The following UBE2D2 variants were observed in gnomAD, a reference collection of about 807,000 sequenced individuals.
UBE2D2 encodes the protein ubiquitin conjugating enzyme E2 D2.
In UBE2D2, 2 loss-of-function variants were observed where a neutral mutation model predicts 24.2. The observed-to-expected ratio is 0.08, with a 90% CI of 0.03 to 0.26. The LOEUF is 0.26. Ranked by LOEUF, UBE2D2 falls within the 10% of genes least tolerant of loss-of-function variation. The pLI, the probability that UBE2D2 is intolerant of heterozygous loss-of-function variation, is 1.00. For missense variants in UBE2D2, 44 were observed against 177.6 expected, an observed-to-expected ratio of 0.25 and a Z score of 4.28; for synonymous variants, 58 against 56.5, an observed-to-expected ratio of 1.03 and a Z score of -0.12.
At chr5:139,601,089 C>T (rs901773359) in intron 2 of UBE2D2, among the ~76,000 whole-genome samples, 2 of 152,196 alleles carry the variant, frequency 1.3e-5, no homozygotes, top group Non-Finnish European at 2.9e-5. Context: ...AGGCATGAAC[C>T]ACCACACCTG....
intron 1 of UBE2D2, among the ~76,000 whole-genome samples, chr5:139,544,838 G>T (rs929059349): frequency 6.6e-6 from 1 of 151,112 alleles, no homozygotes; most frequent in Non-Finnish European, 1.5e-5. Context: ...GTGCAGTGGC[G>T]CGATCTCGGC....
intron 2 of UBE2D2, among the ~76,000 whole-genome samples, chr5:139,609,041 C>T (rs1443471842): frequency 4.0e-5 from 6 of 151,464 alleles, no homozygotes; most frequent in East Asian, 2.0e-4. Context: ...GAGCAAAGAT[C>T]GCACCACTGC....
At chr5:139,581,895 C>T (rs1753611702) in intron 1 of UBE2D2, among the ~76,000 whole-genome samples, 1 of 152,120 alleles carries the variant, frequency 6.6e-6, no homozygotes. Context: ...TTTCAAACTC[C>T]TGACCTTGTG....
chr5:139,564,928 T>C lies in UBE2D2; in HGVS notation c.24+3113T>C, dbSNP rs192531928. Among the ~76,000 whole-genome samples the C allele has an allele frequency of 6.7e-3, 1,016 of 152,312 alleles. 8 individuals are homozygous for C. The highest frequency in any genetic ancestry group is 0.024 in the African/African-American group (978 of 41,576). On this transcript the variant is annotated intron_variant, in intron 1 of 6. Coordinates refer to ENST00000398733, the MANE Select transcript of UBE2D2 (RefSeq NM_003339.3). ...ACAAAATGGAGATTAATTTTTTTTT[T>C]CCAAACTCTTTGTACCACAATTTTA...
chr5:139,602,812 C>CT (rs1170859423), intron 2 of UBE2D2, among the ~76,000 whole-genome samples: 3 of 152,168 alleles, frequency 2.0e-5, no homozygotes, highest in Non-Finnish European at 4.4e-5. Flanking sequence ...AATTATGAGT[C>CT]TAAGTACATG....
At chr5:139,602,763 C>A (rs565693844) in intron 2 of UBE2D2, among the ~76,000 whole-genome samples, 1 of 152,070 alleles carries the variant, frequency 6.6e-6, no homozygotes, top group Non-Finnish European at 1.5e-5. Flanking sequence ...AAGCAAGGCC[C>A]TTTCACAAGG....
intron 1 of UBE2D2, among the ~76,000 whole-genome samples, chr5:139,574,151 G>A (rs1753416070): frequency 6.7e-6 from 1 of 149,224 alleles, no homozygotes; most frequent in South Asian, 2.1e-4. Context: ...CGTGGTGGTG[G>A]GGGCCTGTAA....
chr5:139,576,754 C>T lies in UBE2D2; in HGVS notation c.24+14939C>T, dbSNP rs11739735. Among the ~76,000 whole-genome samples the T allele has an allele frequency of 7.6e-3, 1,163 of 152,120 alleles. 12 individuals are homozygous for T. Among genetic ancestry groups the T allele is most frequent in the Non-Finnish European group, 0.012 (790 of 68,012 alleles). Reference sequence around the variant, plus strand: ...ATTGTCAACAAAGGTGCTCCCATCTCTAAGCTTACATAAAATGTAATTTTA... The same window carrying T: ...ATTGTCAACAAAGGTGCTCCCATCTTTAAGCTTACATAAAATGTAATTTTA... On this transcript the variant is annotated intron_variant, in intron 1 of 6. Transcript: ENST00000398733.
intron 1 of UBE2D2, among the ~76,000 whole-genome samples, chr5:139,593,392 A>C (rs889457904): frequency 6.6e-6 from 1 of 152,196 alleles, no homozygotes; most frequent in Non-Finnish European, 1.5e-5. Context: ...CCCTTGGGTT[A>C]GATACTTTGT....
At chr5:139,586,744 G>A (rs953712844) in intron 1 of UBE2D2, among the ~76,000 whole-genome samples, 7 of 151,866 alleles carry the variant, frequency 4.6e-5, no homozygotes, top group Admixed American at 3.9e-4. Flanking sequence ...CAGCCTGGGC[G>A]ACAGAGCGAG....
intron 1 of UBE2D2, among the ~76,000 whole-genome samples, chr5:139,590,718 G>A (rs1036334531): frequency 3.4e-5 from 5 of 146,878 alleles, no homozygotes; most frequent in African/African-American, 9.9e-5. Flanking sequence ...TCCTAAGATA[G>A]TATGGCGATG....
intron 1 of UBE2D2, among the ~76,000 whole-genome samples, chr5:139,556,094 G>A (rs1374916154): frequency 6.6e-6 from 1 of 151,842 alleles, no homozygotes; most frequent in Admixed American, 6.6e-5. Context: ...AAATCATCTG[G>A]GCATGGTGGC....
Position 139,596,811 on chromosome 5 carries a change from C to T in UBE2D2, c.25-3561C>T, listed in dbSNP as rs28829083. Among the ~76,000 whole-genome samples the T allele has an allele frequency of 3.1e-3, 478 of 152,020 alleles. 1 individual carries two copies. The highest frequency in any genetic ancestry group is 0.011 in the African/African-American group (456 of 41,498). ...CCTGTAATCCCAGCACTTTGGGAGGCCGAGGTGGGCAGATCACGAGGTCAG... is the reference window on the plus strand; with the variant it reads ...CCTGTAATCCCAGCACTTTGGGAGGTCGAGGTGGGCAGATCACGAGGTCAG... On this transcript the variant is annotated intron_variant, in intron 1 of 6. Coordinates refer to ENST00000398733, the MANE Select transcript of UBE2D2 (RefSeq NM_003339.3).
chr5:139,603,773 C>T (rs1175483633), intron 2 of UBE2D2, among the ~76,000 whole-genome samples: 2 of 151,724 alleles, frequency 1.3e-5, no homozygotes, highest in Non-Finnish European at 2.9e-5. Flanking sequence ...GGTGAAACCC[C>T]GTCTACTAAA....
At chr5:139,576,567 C>T (rs1479102347) in intron 1 of UBE2D2, among the ~76,000 whole-genome samples, 2 of 151,938 alleles carry the variant, frequency 1.3e-5, no homozygotes, top group East Asian at 1.9e-4. Flanking sequence ...TGGGGTTTCA[C>T]GTTGTTAGCC....
At chr5:139,578,462 G>C (rs1054024101) in intron 1 of UBE2D2, among the ~76,000 whole-genome samples, 2 of 151,760 alleles carry the variant, frequency 1.3e-5, no homozygotes, top group African/African-American at 4.8e-5. Flanking sequence ...GTGTGTGTGT[G>C]TGTGTGTTTT....
intron 1 of UBE2D2, among the ~76,000 whole-genome samples, chr5:139,568,456 G>A (rs565929310): frequency 6.6e-6 from 1 of 150,640 alleles, no homozygotes; most frequent in Non-Finnish European, 1.5e-5. Context: ...TCAGGAAATC[G>A]AGACCATCCT....
At chr5:139,581,305 C>T (rs947243626) in intron 1 of UBE2D2, among the ~76,000 whole-genome samples, 1 of 151,826 alleles carries the variant, frequency 6.6e-6, no homozygotes, top group Admixed American at 6.6e-5. Context: ...AAAAATTAGC[C>T]GGGTGCGGTG....
intron 1 of UBE2D2, among the ~76,000 whole-genome samples, chr5:139,576,965 GA>G (rs1220460482): frequency 4.7e-5 from 5 of 105,674 alleles, no homozygotes; most frequent in East Asian, 2.7e-4. Context: ...TTTTTAACTT[GA>G]ATTTTTTTTT....
Sources: allele counts gnomAD v4.1 joint callset (sites outside exome capture counted in the v4.1 genomes callset), GRCh38; gene constraint gnomAD v4.1.1; transcripts MANE v1.5; gene names NCBI Gene and HGNC (gene_info 2026-07-23, HGNC 2026-07-21).